ZDHHC14: variants seen among roughly 807,000 people sequenced by gnomAD.
ZDHHC14 encodes zDHHC palmitoyltransferase 14.
In ZDHHC14, 16 loss-of-function variants were observed where a neutral mutation model predicts 47.7. The observed-to-expected ratio is 0.34, with a 90% CI of 0.23 to 0.51. The LOEUF is 0.51. Ranked by LOEUF, ZDHHC14 falls within the 20% of genes least tolerant of loss-of-function variation. ZDHHC14 has a pLI of 0.97. For synonymous variants in ZDHHC14, 293 were observed against 278.9 expected, an observed-to-expected ratio of 1.05 and a Z score of -0.50; for missense variants, 515 against 662.5, an observed-to-expected ratio of 0.78 and a Z score of 2.44.
At chr6:157,405,795 T>G (rs1777747373) in intron 1 of ZDHHC14, among the ~76,000 whole-genome samples, 1 of 152,202 alleles carries the variant, frequency 6.6e-6, no homozygotes, top group African/African-American at 2.4e-5. Context: ...AGCGCTTTGA[T>G]GTAATGACTG....
chr6:157,610,374 G>C (rs1453798426), intron 3 of ZDHHC14, among the ~76,000 whole-genome samples: 2 of 152,152 alleles, frequency 1.3e-5, no homozygotes, highest in African/African-American at 4.8e-5. Flanking sequence ...GGAGCTTGCA[G>C]TGAGCCGAGA....
rs1187065924 is a variant in ZDHHC14, at chr6:157,579,190, GTTTTT to G, written c.407-13776_407-13772del. ...GCCATTTTAATGATATTGATTCTGT[GTTTTT>G]TTTTTTTTTTTTTTTTTTTTTGGAT... On this transcript the variant is annotated intron_variant, in intron 2 of 8. Coordinates refer to ENST00000359775, the MANE Select transcript of ZDHHC14 (RefSeq NM_024630.3). Among the ~76,000 whole-genome samples, 89 of 63,952 alleles carry G rather than the reference GTTTTT, an allele frequency of 1.4e-3. No individual in the cohort carries two copies. In the East Asian group the frequency reaches 0.03, roughly 21 times the overall value. The allele number at this position is 63,952 out of a possible 152,430, so 42.0% of individuals were successfully genotyped here.
At chr6:157,668,561 A>T (rs1333378598) in intron 8 of ZDHHC14, among the ~76,000 whole-genome samples, 1 of 150,804 alleles carries the variant, frequency 6.6e-6, no homozygotes, top group Non-Finnish European at 1.5e-5. Context: ...TTAGCCAGGC[A>T]TGGTGGTGCG....
chr6:157,576,242 CT>C (rs1164947388), intron 2 of ZDHHC14, among the ~76,000 whole-genome samples: 4 of 152,194 alleles, frequency 2.6e-5, no homozygotes, highest in African/African-American at 4.8e-5. Context: ...CTGTGCATAT[CT>C]GTATATAAGA....
At chr6:157,407,589 G>A (rs186383079) in intron 1 of ZDHHC14, among the ~76,000 whole-genome samples, 163 of 152,250 alleles carry the variant, frequency 1.1e-3, no homozygotes, top group Non-Finnish European at 1.9e-3. Context: ...CATCTGAGAA[G>A]ACACAGCAAT....
chr6:157,636,931 G>T (rs1777016509), intron 5 of ZDHHC14, among the ~76,000 whole-genome samples: 1 of 152,220 alleles, frequency 6.6e-6, no homozygotes, highest in African/African-American at 2.4e-5. Flanking sequence ...TAAAGGTTCT[G>T]TGTTCCGACA....
chr6:157,484,266 T>C (rs1406366697), intron 1 of ZDHHC14, among the ~76,000 whole-genome samples: 10 of 141,114 alleles, frequency 7.1e-5, no homozygotes, highest in Non-Finnish European at 1.5e-4. Context: ...TTTATATATA[T>C]ATGTATATAT....
intron 1 of ZDHHC14, among the ~76,000 whole-genome samples, chr6:157,529,616 G>A (rs1441103357): frequency 2.6e-5 from 4 of 152,326 alleles, no homozygotes; most frequent in East Asian, 3.9e-4. Flanking sequence ...CCAAGACTCC[G>A]AGCTTGTCTT....
At chr6:157,635,134 C>T (rs1038300617) in intron 5 of ZDHHC14, among the ~76,000 whole-genome samples, 3 of 152,200 alleles carry the variant, frequency 2.0e-5, no homozygotes, top group Non-Finnish European at 4.4e-5. Context: ...GCTGGGATTA[C>T]AGGTGCTGTG....
At chr6:157,420,856 T>C (rs1394069874) in intron 1 of ZDHHC14, among the ~76,000 whole-genome samples, 1 of 152,118 alleles carries the variant, frequency 6.6e-6, no homozygotes, top group East Asian at 1.9e-4. Context: ...CACTAAACAT[T>C]GCGCTCCTCT....
At chr6:157,623,229 G>A (rs1785263853) in intron 3 of ZDHHC14, among the ~76,000 whole-genome samples, 1 of 152,134 alleles carries the variant, frequency 6.6e-6, no homozygotes, top group Non-Finnish European at 1.5e-5. Context: ...CCCCATGTGT[G>A]GTGGGAGGAG....
intron 1 of ZDHHC14, among the ~76,000 whole-genome samples, chr6:157,462,809 T>G (rs1779123866): frequency 6.6e-6 from 1 of 152,262 alleles, no homozygotes; most frequent in South Asian, 2.1e-4. Flanking sequence ...GGGGGCCTCT[T>G]CCTGCCCTTC....
chr6:157,490,714 G>A (rs559085351), intron 1 of ZDHHC14, among the ~76,000 whole-genome samples: 25 of 152,222 alleles, frequency 1.6e-4, no homozygotes, highest in South Asian at 1.2e-3. Context: ...GACAAGGAGC[G>A]TAAGGCCAGT....
chr6:157,620,494 G>A (rs1583029579), intron 3 of ZDHHC14, among the ~76,000 whole-genome samples: 1 of 152,354 alleles, frequency 6.6e-6, no homozygotes, highest in Admixed American at 6.5e-5. Context: ...AATAATGTTT[G>A]CCAAGCAGCT....
chr6:157,677,230 G>T lies in ZDHHC14; in HGVS notation c.*4108G>T. On this transcript the variant is annotated 3_prime_UTR_variant, in exon 9 of 9. Transcript: ENST00000359775. ...GTGGAGTTGTATGCTATTTTCCAAG[G>T]TACCTCATTTAAAAAAAAAAAAAAA... 1.5e-5 allele frequency: 2 copies of T among 134,796 alleles called. No individual in the cohort carries two copies. The highest frequency in any genetic ancestry group is 8.0e-5 in the Admixed American group (1 of 12,562). 8.3% of individuals were successfully genotyped at this position (134,796 alleles called of 1,614,324 possible). A position where few individuals can be genotyped will look rare whatever the true frequency, so the allele number is the denominator to read the frequency against.
intron 8 of ZDHHC14, among the ~76,000 whole-genome samples, chr6:157,656,736 A>G (rs1383567186): frequency 6.7e-6 from 1 of 149,572 alleles, no homozygotes; most frequent in Non-Finnish European, 1.5e-5. Context: ...AAAAAAAACA[A>G]GACTCCTTGC....
intron 1 of ZDHHC14, among the ~76,000 whole-genome samples, chr6:157,506,373 AT>A (rs1780326312): frequency 6.6e-6 from 1 of 152,336 alleles, no homozygotes; most frequent in East Asian, 1.9e-4. Flanking sequence ...CAGATGCAAT[AT>A]TCTGACTCTG....
intron 1 of ZDHHC14, among the ~76,000 whole-genome samples, chr6:157,417,752 G>A (rs548754807): frequency 1.4e-4 from 21 of 152,224 alleles, no homozygotes; most frequent in African/African-American, 3.4e-4. Context: ...AGGCCGAGGC[G>A]GGCGGATCAC....
chr6:157,402,795 C>T (rs944385435), intron 1 of ZDHHC14, among the ~76,000 whole-genome samples: 19 of 152,146 alleles, frequency 1.2e-4, no homozygotes, highest in Admixed American at 2.0e-4. Flanking sequence ...GGGATGATCT[C>T]GGCTCATTCC....
Sources: allele counts gnomAD v4.1 joint callset (sites outside exome capture counted in the v4.1 genomes callset), GRCh38; gene constraint gnomAD v4.1.1; transcripts MANE v1.5; gene names NCBI Gene and HGNC (gene_info 2026-07-23, HGNC 2026-07-21).